ABCE1: variants seen among roughly 807,000 people sequenced by gnomAD.
ABCE1 encodes ATP-binding cassette sub-family E member 1.
A neutral mutation model predicts 83.4 loss-of-function variants in ABCE1; 22 were observed. The ratio of observed to expected loss-of-function variants is 0.26; its 90% CI spans 0.19 to 0.38. The LOEUF is 0.38. Ranked by LOEUF, ABCE1 falls within the 10% of genes least tolerant of loss-of-function variation. The pLI is 1.00. For synonymous variants in ABCE1, 204 were observed against 233.7 expected, an observed-to-expected ratio of 0.87 and a Z score of 1.16; for missense variants, 330 against 721.9, an observed-to-expected ratio of 0.46 and a Z score of 6.22.
Position 145,104,416 on chromosome 4 carries a change from G to A in ABCE1, c.4G>A (p.Ala2Thr), listed in dbSNP as rs1196830890. M[A>T]DKLTRIAIVN... is the part of the protein sequence containing the mutation. The stretch of plus-strand genomic sequence containing the variant: ...CTGGATATTCTTTCGCCCAGTTATG[G>A]CAGACAAGTTAACGAGAATTGCTAT... The change falls in exon 2 of 18, where the codon GCA becomes ACA. Residue 2 changes from alanine to threonine, a missense_variant. Transcript: ENST00000296577. The A allele has an allele frequency of 1.3e-6, 2 of 1,594,358 alleles. No homozygotes were observed. Among genetic ancestry groups the A allele is most frequent in the Admixed American group, 3.5e-5 (2 of 57,198 alleles).
chr4:145,114,778 G>A (rs1367523528), intron 9 of ABCE1, among the ~76,000 whole-genome samples: 1 of 151,952 alleles, frequency 6.6e-6, no homozygotes, highest in African/African-American at 2.4e-5. Flanking sequence ...AGATTGGCAT[G>A]ACAACGTAGA....
intron 5 of ABCE1, 60 bp downstream of exon 5, chr4:145,109,309 G>A: frequency 1.1e-6 from 1 of 882,310 alleles, no homozygotes. Flanking sequence ...GATTTTGGGG[G>A]GATGATATGT....
Position 145,110,948 on chromosome 4 carries a change from T to C in ABCE1, c.614-20T>C, listed in dbSNP as rs1421520310. On this transcript the variant is annotated intron_variant, in intron 7 of 17. Transcript: ENST00000296577. ...AAGAGGTGAAATACATTGAGCACAA[T>C]GCCTCTATGTTCTTTGTAGATTTAA... The C allele has an allele frequency of 6.5e-7, 1 of 1,527,246 alleles. No individual in the cohort carries two copies. The highest frequency in any genetic ancestry group is 9.0e-7 in the Non-Finnish European group (1 of 1,114,144). 94.6% of individuals were successfully genotyped at this position (1,527,246 alleles called of 1,614,324 possible).
At chr4:145,126,456 A>C (rs1749890404) in intron 17 of ABCE1, among the ~76,000 whole-genome samples, 1 of 151,652 alleles carries the variant, frequency 6.6e-6, no homozygotes. Context: ...ACCACACCCG[A>C]CTAATTTTCT....
chr4:145,111,500 G>T (rs1405714312), intron 8 of ABCE1, among the ~76,000 whole-genome samples: 1 of 151,790 alleles, frequency 6.6e-6, no homozygotes, highest in South Asian at 2.1e-4. Context: ...ATTTTTTTTT[G>T]TATTTTTAGT....
intron 4 of ABCE1, among the ~76,000 whole-genome samples, chr4:145,108,380 T>C (rs1230426701): frequency 6.6e-6 from 1 of 152,164 alleles, no homozygotes; most frequent in Non-Finnish European, 1.5e-5. Context: ...CTTAGTATAT[T>C]GAAAAAGTCC....
Position 145,127,711 on chromosome 4 carries a change from A to G in ABCE1, c.*138A>G. On this transcript the variant is annotated 3_prime_UTR_variant, in exon 18 of 18. Coordinates refer to ENST00000296577, the MANE Select transcript of ABCE1 (RefSeq NM_002940.3). The stretch of plus-strand genomic sequence containing the variant: ...GTATAATATACTTAATATAACATAA[A>G]AAGCCAGTTGGGTTCTAAATTGTAG... 1 of 575,140 alleles carries G rather than the reference A, an allele frequency of 1.7e-6. No individual in the cohort carries two copies. The allele number at this position is 575,140 out of a possible 1,614,324, so 35.6% of individuals were successfully genotyped here.
At chr4:145,107,278 A>G (rs887680363) in intron 3 of ABCE1, among the ~76,000 whole-genome samples, 2 of 152,042 alleles carry the variant, frequency 1.3e-5, no homozygotes, top group African/African-American at 4.8e-5. Flanking sequence ...TATGCTAGCT[A>G]TTGGTGGGAT....
At chr4:145,113,414 G>T (rs1269298336) in intron 9 of ABCE1, among the ~76,000 whole-genome samples, 1 of 152,146 alleles carries the variant, frequency 6.6e-6, no homozygotes, top group Non-Finnish European at 1.5e-5. Flanking sequence ...TGGAATCTGT[G>T]AACCCTTCAA....
chr4:145,115,434 T>C (rs1293497309), intron 9 of ABCE1, among the ~76,000 whole-genome samples: 1 of 151,896 alleles, frequency 6.6e-6, no homozygotes, highest in Non-Finnish European at 1.5e-5. Context: ...ACCTGGGTGA[T>C]TTGCCATTTT....
At chr4:145,121,698 C>T (rs976543716) in intron 13 of ABCE1, 1 of 239,302 alleles carries the variant, frequency 4.2e-6, no homozygotes, top group Non-Finnish European at 8.3e-6. Flanking sequence ...ATGGTGAAAC[C>T]CTGTCTCTAC....
At chr4:145,110,840 C>A in intron 7 of ABCE1, 128 bp from the exon 8 acceptor site, 1 of 612,968 alleles carries the variant, frequency 1.6e-6, no homozygotes, top group Admixed American at 3.2e-5. Context: ...TGAAAATCTC[C>A]AGTAATTGTT....
intron 17 of ABCE1, among the ~76,000 whole-genome samples, chr4:145,126,817 A>C (rs548956042): frequency 1.3e-5 from 2 of 152,132 alleles, no homozygotes; most frequent in Non-Finnish European, 2.9e-5. Flanking sequence ...AGCACCTAAC[A>C]GTATGTCTGG....
chr4:145,117,429 T>G lies in ABCE1; in HGVS notation c.922+15T>G, dbSNP rs35180436. The G allele has an allele frequency of 9.1e-5, 147 of 1,607,596 alleles. No homozygotes were observed. In the African/African-American group the frequency reaches 1.7e-3, roughly 18 times the overall value. On this transcript the variant is annotated intron_variant, in intron 10 of 17. Coordinates refer to ENST00000296577, the MANE Select transcript of ABCE1 (RefSeq NM_002940.3). ...TGTAAGAGAAGGTAACTTGAAAAACTTTTTTCACATATGCTGTATTCTCTT... is the reference window on the plus strand; with the variant it reads ...TGTAAGAGAAGGTAACTTGAAAAACGTTTTTCACATATGCTGTATTCTCTT...
At position 145,112,331 on chromosome 4, in the gene ABCE1, A is replaced by G. The variant is rs768302597; in HGVS notation, c.800+3A>G. On this transcript the variant is annotated splice_donor_region_variant and intron_variant, in intron 9 of 17. Coordinates refer to ENST00000296577, the MANE Select transcript of ABCE1 (RefSeq NM_002940.3). ...CGATCTCTAATAAATCCAGATAGGT[A>G]AGTAGAGATCTGGCATATTACTGTG... The G allele has an allele frequency of 7.1e-6, 11 of 1,558,942 alleles. No individual in the cohort carries two copies. The highest frequency in any genetic ancestry group is 8.7e-6 in the Non-Finnish European group (10 of 1,146,542).
intron 1 of ABCE1, among the ~76,000 whole-genome samples, chr4:145,099,491 G>A (rs574157015): frequency 1.3e-5 from 2 of 152,096 alleles, no homozygotes; most frequent in African/African-American, 2.4e-5. Context: ...AGCTGTTTGG[G>A]GTTTGTGAGC....
At chr4:145,113,410 CTG>C (rs753657061) in intron 9 of ABCE1, among the ~76,000 whole-genome samples, 46 of 152,146 alleles carry the variant, frequency 3.0e-4, no homozygotes, top group Non-Finnish European at 6.0e-4. Flanking sequence ...CCAGTGGAAT[CTG>C]TGAACCCTTC....
At chr4:145,098,727 C>T (rs934648079) in intron 1 of ABCE1, among the ~76,000 whole-genome samples, 1 of 151,924 alleles carries the variant, frequency 6.6e-6, no homozygotes, top group African/African-American at 2.4e-5. Flanking sequence ...CACTCCCGCC[C>T]TGAAGCTAAA....
intron 17 of ABCE1, among the ~76,000 whole-genome samples, chr4:145,125,640 C>T (rs1404721420): frequency 6.6e-6 from 1 of 152,164 alleles, no homozygotes; most frequent in Non-Finnish European, 1.5e-5. Flanking sequence ...AGTTGTATCA[C>T]AGTTGTACTA....
Sources: allele counts gnomAD v4.1 joint callset (sites outside exome capture counted in the v4.1 genomes callset), GRCh38; gene constraint gnomAD v4.1.1; transcripts MANE v1.5; gene names NCBI Gene and HGNC (gene_info 2026-07-23, HGNC 2026-07-21).